Variants in NBEA observed in about 807,000 individuals in gnomAD.
The protein encoded by NBEA is neurobeachin.
Under a neutral mutation model 343.4 loss-of-function variants are expected in NBEA, and 44 were observed. The ratio of observed to expected loss-of-function variants is 0.13; its 90% confidence interval spans 0.10 to 0.16. The LOEUF is 0.16. NBEA is among the 10% of genes least tolerant of loss of function. The pLI is 1.00. For synonymous variants in NBEA, 1,175 were observed against 1,238.7 expected, an observed-to-expected ratio of 0.95 and a Z score of 1.08; for missense variants, 2,555 against 3,631.3, an observed-to-expected ratio of 0.70 and a Z score of 7.62.
At chr13:35,291,513 C>T (rs2035799349) in intron 35 of NBEA, among the ~76,000 whole-genome samples, 1 of 151,882 alleles carries the variant, frequency 6.6e-6, no homozygotes, top group Admixed American at 6.6e-5. Flanking sequence ...AAGAAAACAA[C>T]ATCCCTGTGA....
chr13:35,038,409 C>A (rs1395209176), intron 1 of NBEA, among the ~76,000 whole-genome samples: 1 of 152,108 alleles, frequency 6.6e-6, no homozygotes, highest in African/African-American at 2.4e-5. Context: ...CCCCTTTACT[C>A]TTCTGTTTTT....
intron 41 of NBEA, among the ~76,000 whole-genome samples, chr13:35,503,614 A>G (rs1440113913): frequency 6.6e-6 from 1 of 151,982 alleles, no homozygotes; most frequent in Non-Finnish European, 1.5e-5. Context: ...ATTTACCAGG[A>G]TACATTTCTT....
At chr13:35,385,667 C>T (rs79208755) in intron 38 of NBEA, among the ~76,000 whole-genome samples, 2,649 of 152,234 alleles carry the variant, frequency 0.017, 51 homozygotes, top group African/African-American at 0.044. Flanking sequence ...CACATCGCTG[C>T]ACTCCAGCCT....
At chr13:35,409,678 T>C (rs998937597) in intron 38 of NBEA, among the ~76,000 whole-genome samples, 3 of 152,126 alleles carry the variant, frequency 2.0e-5, no homozygotes, top group African/African-American at 7.2e-5. Context: ...TAAGTAAATT[T>C]GGAGTAAAAG....
chr13:35,144,338 C>T (rs574797733), intron 18 of NBEA, among the ~76,000 whole-genome samples: 25 of 152,184 alleles, frequency 1.6e-4, no homozygotes, highest in Admixed American at 1.4e-3. Context: ...AGTTTTACTC[C>T]AAATATGGGT....
chr13:35,188,784 T>C (rs186513892), intron 30 of NBEA, among the ~76,000 whole-genome samples: 9 of 152,132 alleles, frequency 5.9e-5, no homozygotes, highest in Admixed American at 2.6e-4. Context: ...GTTCTGTTTT[T>C]AATTGTTTGA....
intron 10 of NBEA, among the ~76,000 whole-genome samples, chr13:35,077,495 T>C (rs1241710806): frequency 6.6e-6 from 1 of 152,162 alleles, no homozygotes; most frequent in Non-Finnish European, 1.5e-5. Flanking sequence ...AAATATTAGC[T>C]GTTCCTGTAT....
At chr13:35,538,654 T>G (rs1462622272) in intron 41 of NBEA, among the ~76,000 whole-genome samples, 1 of 152,098 alleles carries the variant, frequency 6.6e-6, no homozygotes, top group Non-Finnish European at 1.5e-5. Context: ...AGGTAGGAGG[T>G]TGTACAGTAA....
At chr13:35,619,552 A>G (rs1332927444) in intron 48 of NBEA, among the ~76,000 whole-genome samples, 2 of 152,146 alleles carry the variant, frequency 1.3e-5, no homozygotes, top group Non-Finnish European at 2.9e-5. Context: ...ACCCAAAACA[A>G]AGGGCCTTGA....
At chr13:35,014,898 A>C (rs2061598756) in intron 1 of NBEA, among the ~76,000 whole-genome samples, 1 of 151,934 alleles carries the variant, frequency 6.6e-6, no homozygotes, top group South Asian at 2.1e-4. Flanking sequence ...TGTCAGCAGC[A>C]TGACCTTTGG....
chr13:35,087,599 G>A (rs779545843), intron 10 of NBEA, among the ~76,000 whole-genome samples: 1 of 151,624 alleles, frequency 6.6e-6, no homozygotes. Context: ...TTCAATAGTA[G>A]GCAAGGAATT....
At chr13:35,433,118 A>C (rs910755016) in intron 39 of NBEA, among the ~76,000 whole-genome samples, 2 of 152,102 alleles carry the variant, frequency 1.3e-5, no homozygotes, top group South Asian at 4.1e-4. Flanking sequence ...ATTGTTCTTT[A>C]TAAACTGTAC....
intron 49 of NBEA, among the ~76,000 whole-genome samples, chr13:35,641,098 TA>T (rs2083926670): frequency 6.6e-6 from 1 of 152,170 alleles, no homozygotes; most frequent in Non-Finnish European, 1.5e-5. Flanking sequence ...TTATTATAAT[TA>T]TTTTATGAGA....
intron 1 of NBEA, among the ~76,000 whole-genome samples, chr13:34,952,652 A>G (rs2059383927): frequency 6.6e-6 from 1 of 152,188 alleles, no homozygotes; most frequent in African/African-American, 2.4e-5. Context: ...TGGGTAATAT[A>G]ATTTCTAATA....
chr13:35,069,904 TCAGAGTACC>T lies in NBEA; in HGVS notation c.1240-3_1245del. The T allele has an allele frequency of 1.3e-6, 2 of 1,556,440 alleles. No individual in the cohort carries two copies. Among genetic ancestry groups the T allele is most frequent in the Admixed American group, 3.9e-5 (2 of 51,890 alleles). On this transcript the variant is annotated splice_acceptor_variant and splice_polypyrimidine_tract_variant and coding_sequence_variant and intron_variant, in exon 9 of 59. Transcript: ENST00000379939. LOFTEE classifies it high-confidence loss of function. ...GAGTGTTTACCTTAGTTTTATTTTTTCAGAGTACCTTCAAGTTTAAATCTGAGAGTGATA... is the reference window on the plus strand; with the variant it reads ...GAGTGTTTACCTTAGTTTTATTTTTTTTCAAGTTTAAATCTGAGAGTGATA...
intron 39 of NBEA, 107 bp from the exon 40 acceptor site, chr13:35,451,985 A>G (rs2046335222): frequency 2.5e-6 from 2 of 800,000 alleles, no homozygotes; most frequent in Non-Finnish European, 4.0e-6. Flanking sequence ...GTAAAGTAAT[A>G]TGTAAATGCA....
At chr13:34,988,343 C>T (rs1037536933) in intron 1 of NBEA, among the ~76,000 whole-genome samples, 4 of 151,062 alleles carry the variant, frequency 2.6e-5, no homozygotes, top group East Asian at 1.9e-4. Context: ...CAGATAGGGA[C>T]GTTTAAGTCT....
intron 38 of NBEA, among the ~76,000 whole-genome samples, chr13:35,395,010 T>G (rs1194562029): frequency 2.0e-5 from 3 of 152,204 alleles, no homozygotes; most frequent in Admixed American, 6.6e-5. Context: ...GTAACCCATG[T>G]ATTATTTAGA....
chr13:35,308,013 A>AT (rs1450116680), intron 35 of NBEA, among the ~76,000 whole-genome samples: 1 of 151,986 alleles, frequency 6.6e-6, no homozygotes, highest in East Asian at 1.9e-4. Context: ...CCAAGTTACC[A>AT]TATCTCTTTT....
Sources: allele counts gnomAD v4.1 joint callset (sites outside exome capture counted in the v4.1 genomes callset), GRCh38; gene constraint gnomAD v4.1.1; transcripts MANE v1.5; gene names NCBI Gene and HGNC (gene_info 2026-07-23, HGNC 2026-07-21).